Variants in HDAC9 observed in about 807,000 individuals in gnomAD.
HDAC9 encodes histone deacetylase 9, also known as MEF-2 interacting transcription repressor (MITR) protein.
Under a neutral mutation model 139.4 loss-of-function variants are expected in HDAC9, and 41 were observed. The observed-to-expected ratio is 0.29, with a 90% CI of 0.23 to 0.38. The LOEUF (loss-of-function observed/expected upper bound fraction) is 0.38. Ranked by LOEUF, HDAC9 falls within the 10% of genes least tolerant of loss-of-function variation. The pLI is 1.00. For synonymous variants in HDAC9, 517 were observed against 476.2 expected (o/e 1.09, Z -1.12); for missense variants, 1,147 against 1,297.0 (o/e 0.88, Z 1.78).
intron 1 of HDAC9, among the ~76,000 whole-genome samples, chr7:18,121,891 A>T (rs996099034): frequency 6.6e-6 from 1 of 151,962 alleles, no homozygotes; most frequent in Admixed American, 6.5e-5. Context: ...GTTTACAAAG[A>T]AGAGATGAAG....
At chr7:18,187,903 C>G (rs940767094) in intron 2 of HDAC9, among the ~76,000 whole-genome samples, 2 of 152,136 alleles carry the variant, frequency 1.3e-5, no homozygotes, top group Non-Finnish European at 2.9e-5. Context: ...CCAGGCTTGT[C>G]TGATAAGAAT....
intron 2 of HDAC9, among the ~76,000 whole-genome samples, chr7:18,571,672 C>G (rs929810485): frequency 6.7e-6 from 1 of 149,746 alleles, no homozygotes; most frequent in Non-Finnish European, 1.5e-5. Context: ...AACTAGAAAA[C>G]AGCTAAATTC....
intron 2 of HDAC9, among the ~76,000 whole-genome samples, chr7:18,215,144 A>G (rs1178380): frequency 0.041 from 6,306 of 152,276 alleles, 189 homozygotes; most frequent in African/African-American, 0.071. Context: ...CTATTCTATT[A>G]GACAATTTTA....
chr7:18,744,643 C>G (rs1787772274), intron 13 of HDAC9, among the ~76,000 whole-genome samples: 1 of 151,988 alleles, frequency 6.6e-6, no homozygotes, highest in Admixed American at 6.6e-5. Context: ...TAGACTCAGA[C>G]TAATAGGTCT....
At chr7:18,183,059 G>C (rs1248742825) in intron 2 of HDAC9, among the ~76,000 whole-genome samples, 2 of 151,290 alleles carry the variant, frequency 1.3e-5, no homozygotes. Flanking sequence ...GCCCGTGCTG[G>C]AGTGCAGTGG....
At chr7:18,795,257 TAAAAAA>T (rs5882676) in intron 17 of HDAC9, among the ~76,000 whole-genome samples, 1 of 65,482 alleles carries the variant, frequency 1.5e-5, no homozygotes, top group Non-Finnish European at 2.6e-5. Flanking sequence ...AAGAAAACAG[TAAAAAA>T]AAAAAAAAAA....
intron 1 of HDAC9, among the ~76,000 whole-genome samples, chr7:18,298,955 G>A (rs1453925119): frequency 6.6e-6 from 1 of 152,014 alleles, no homozygotes; most frequent in South Asian, 2.1e-4. Flanking sequence ...TTATAGTTAG[G>A]ATTGTATCTG....
chr7:18,941,541 C>T (rs749706452), intron 23 of HDAC9, among the ~76,000 whole-genome samples: 5 of 152,188 alleles, frequency 3.3e-5, no homozygotes, highest in African/African-American at 7.2e-5. Flanking sequence ...TCTTTTTCAT[C>T]CTTTAGATTA....
chr7:18,875,887 G>C (rs1228787805), intron 22 of HDAC9, among the ~76,000 whole-genome samples: 1 of 152,080 alleles, frequency 6.6e-6, no homozygotes, highest in Admixed American at 6.6e-5. Flanking sequence ...ATCAAGTTGA[G>C]ATAAACCCAA....
intron 2 of HDAC9, among the ~76,000 whole-genome samples, chr7:18,209,763 T>C (rs1249587919): frequency 2.0e-5 from 3 of 151,978 alleles, no homozygotes; most frequent in Non-Finnish European, 4.4e-5. Context: ...TGCAGTGGTG[T>C]GATCTTGGCT....
intron 2 of HDAC9, among the ~76,000 whole-genome samples, chr7:18,567,052 A>G (rs1822582230): frequency 6.6e-6 from 1 of 152,176 alleles, no homozygotes; most frequent in Non-Finnish European, 1.5e-5. Flanking sequence ...TGCCTTAGTC[A>G]TTCATGCAAA....
intron 22 of HDAC9, among the ~76,000 whole-genome samples, chr7:18,904,721 A>G (rs537023877): frequency 4.1e-3 from 615 of 151,066 alleles, no homozygotes; most frequent in Middle Eastern, 0.01. Context: ...GACTACAGGC[A>G]ACCGCCACCA....
intron 1 of HDAC9, among the ~76,000 whole-genome samples, chr7:18,153,416 A>C (rs1049955990): frequency 6.6e-6 from 1 of 152,184 alleles, no homozygotes; most frequent in Non-Finnish European, 1.5e-5. Flanking sequence ...TAAATGAAGT[A>C]GCAGCCCACG....
At chr7:18,302,784 G>A (rs75210830) in intron 1 of HDAC9, among the ~76,000 whole-genome samples, 3,367 of 152,242 alleles carry the variant, frequency 0.022, 121 homozygotes, top group African/African-American at 0.077. Context: ...TACAGTGTTT[G>A]GGGCCTAGGG....
At chr7:18,144,929 T>A (rs995056850) in intron 1 of HDAC9, among the ~76,000 whole-genome samples, 2 of 152,206 alleles carry the variant, frequency 1.3e-5, no homozygotes, top group South Asian at 4.1e-4. Context: ...GTATGTTTAT[T>A]GTAAAAATGT....
intron 23 of HDAC9, among the ~76,000 whole-genome samples, chr7:18,953,646 A>G (rs1782955959): frequency 2.0e-5 from 3 of 152,082 alleles, no homozygotes; most frequent in Admixed American, 6.6e-5. Context: ...ACTTTATTCA[A>G]TGGCCTTTGA....
At chr7:18,287,714 C>T (rs1393296943), upstream of HDAC9, among the ~76,000 whole-genome samples, 1 of 152,230 alleles carries the variant, frequency 6.6e-6, no homozygotes, top group East Asian at 1.9e-4. Flanking sequence ...GCCTACCTGA[C>T]TCCCAAAGCC....
Position 18,249,456 on chromosome 7 carries a change from T to A in HDAC9, c.25+87107T>A, listed in dbSNP as rs1039810071. On this transcript the variant is annotated intron_variant, in intron 2 of 12. Coordinates refer to the HDAC9 transcript ENST00000417496. ...AAGTGGAGGTTTCAATGAGCTGAGA[T>A]CATGCCACTGCACTCCAGCCTGAGC... is the stretch of plus-strand genomic sequence containing the variant. 1.4e-4 allele frequency among the ~76,000 whole-genome samples: 18 copies of A among 128,810 alleles called. No homozygotes were observed. The Admixed American group carries it at 1.7e-3, about 12-fold the overall frequency. The allele number at this position is 128,810 out of a possible 152,430, so 84.5% of individuals were successfully genotyped here.
chr7:18,342,732 ATTT>A (rs1342309379), intron 1 of HDAC9, among the ~76,000 whole-genome samples: 4 of 151,768 alleles, frequency 2.6e-5, no homozygotes, highest in African/African-American at 4.8e-5. Flanking sequence ...TAAATTACTT[ATTT>A]TATCACTATT....
Sources: gnomAD v4.1 joint callset for allele counts (sites outside exome capture counted in the v4.1 genomes callset) on GRCh38, gnomAD v4.1.1 for gene constraint, MANE v1.5 for transcripts, NCBI Gene and HGNC (gene_info 2026-07-23, HGNC 2026-07-21) for gene names.